Variants in LARGE1 observed in about 807,000 individuals in gnomAD.
LARGE1 encodes the protein LARGE xylosyl- and glucuronyltransferase 1.
Under a neutral mutation model 87.6 loss-of-function variants are expected in LARGE1, and 43 were observed. That is an observed-to-expected ratio of 0.49 (90% CI 0.38 to 0.63). The LOEUF is 0.63. Among genes scored for constraint, LARGE1 ranks in the 30% least tolerant of loss-of-function variants. The pLI is 0.00. For synonymous variants in LARGE1, 434 were observed against 394.6 expected, an observed-to-expected ratio of 1.10 and a Z score of -1.18; for missense variants, 802 against 1,000.2, an observed-to-expected ratio of 0.80 and a Z score of 2.67.
At chr22:33,238,644 C>G (rs972447758) in intron 11 of LARGE1, among the ~76,000 whole-genome samples, 1 of 152,108 alleles carries the variant, frequency 6.6e-6, no homozygotes, top group Non-Finnish European at 1.5e-5. Context: ...AAATATTTTA[C>G]AGTGCCATAA....
intron 6 of LARGE1, among the ~76,000 whole-genome samples, chr22:33,557,986 C>T (rs988600447): frequency 2.6e-5 from 4 of 152,206 alleles, no homozygotes; most frequent in African/African-American, 7.2e-5. Context: ...TGAATTCCAG[C>T]GCCTTCTGTA....
rs116682359 is a variant in LARGE1 at position 33,475,248 on chromosome 22, C to T, written c.788-42983G>A. On this transcript the variant is annotated intron_variant, in intron 6 of 14. Coordinates refer to ENST00000397394, the MANE Select transcript of LARGE1 (RefSeq NM_133642.5). ...ATCTCTTCCTATTTGCATCACTTTACCAGTCAAAGGCAAGTTGCATATCTC... is the reference window on the plus strand; with the variant it reads ...ATCTCTTCCTATTTGCATCACTTTATCAGTCAAAGGCAAGTTGCATATCTC... 2.6e-3 allele frequency among the ~76,000 whole-genome samples: 402 copies of T among 152,048 alleles called. 3 individuals are homozygous for T. The highest frequency in any genetic ancestry group is 9.1e-3 in the African/African-American group (378 of 41,466).
At chr22:33,653,159 A>T (rs953653465) in intron 2 of LARGE1, among the ~76,000 whole-genome samples, 5 of 152,140 alleles carry the variant, frequency 3.3e-5, no homozygotes, top group Admixed American at 3.3e-4. Context: ...CTTCCTCGGG[A>T]GTTACACCTT....
intron 4 of LARGE1, among the ~76,000 whole-genome samples, chr22:33,606,130 G>A (rs1602678558): frequency 6.6e-6 from 1 of 152,188 alleles, no homozygotes; most frequent in African/African-American, 2.4e-5. Context: ...TTTGGACAGG[G>A]CACGGCGGCT....
chr22:33,719,167 G>T (rs1400068017), intron 2 of LARGE1, among the ~76,000 whole-genome samples: 1 of 152,132 alleles, frequency 6.6e-6, no homozygotes, highest in East Asian at 1.9e-4. Context: ...ACAGTGTAAG[G>T]ATATAAAACA....
intron 2 of LARGE1, among the ~76,000 whole-genome samples, chr22:33,749,773 T>C (rs1390375788): frequency 6.6e-6 from 1 of 152,224 alleles, no homozygotes; most frequent in Non-Finnish European, 1.5e-5. Flanking sequence ...ATGTCTTCTC[T>C]GTTGTCCAAG....
chr22:33,080,751 G>A, the LARGE1 span, among the ~76,000 whole-genome samples: 2 of 152,158 alleles, frequency 1.3e-5, no homozygotes, highest in African/African-American at 2.4e-5. Context: ...TGGTAAAGCT[G>A]GGATTTGAAT....
intron 1 of LARGE1, among the ~76,000 whole-genome samples, chr22:33,779,117 TTTC>T (rs1203156612): frequency 1.3e-5 from 2 of 152,222 alleles, no homozygotes; most frequent in Admixed American, 1.3e-4. Context: ...ATGAATGCCT[TTTC>T]TTAAGTTTAC....
intron 7 of LARGE1, among the ~76,000 whole-genome samples, chr22:33,407,858 TA>T (rs2066157250): frequency 1.3e-5 from 2 of 152,146 alleles, no homozygotes; most frequent in Admixed American, 1.3e-4. Flanking sequence ...GCTGTCAATC[TA>T]AATAATAAGC....
intron 2 of LARGE1, among the ~76,000 whole-genome samples, chr22:33,697,187 G>GC (rs2082276765): frequency 6.6e-6 from 1 of 152,188 alleles, no homozygotes; most frequent in African/African-American, 2.4e-5. Context: ...TCTTTTTGAG[G>GC]CAGCTGTCGT....
the LARGE1 span, among the ~76,000 whole-genome samples, chr22:33,146,707 A>T: frequency 1.3e-3 from 197 of 152,202 alleles, no homozygotes; most frequent in African/African-American, 4.6e-3. Context: ...ACTACTTAGG[A>T]CTAGACTTTG....
intron 9 of LARGE1, among the ~76,000 whole-genome samples, chr22:33,362,689 T>C (rs1318509575): frequency 6.7e-6 from 1 of 150,154 alleles, no homozygotes; most frequent in Non-Finnish European, 1.5e-5. Context: ...TAATTAAATA[T>C]TATTTGAGTT....
chr22:33,332,578 G>A (rs1937869124), intron 10 of LARGE1, among the ~76,000 whole-genome samples: 1 of 152,108 alleles, frequency 6.6e-6, no homozygotes, highest in African/African-American at 2.4e-5. Flanking sequence ...TTCCTGACTT[G>A]GTTTCTTTCA....
intron 1 of LARGE1, among the ~76,000 whole-genome samples, chr22:33,827,875 G>A (rs1370784634): frequency 6.6e-6 from 1 of 152,212 alleles, no homozygotes; most frequent in Non-Finnish European, 1.5e-5. Flanking sequence ...GATCGAGGGT[G>A]GGATTGGATA....
At chr22:33,262,029 C>A (rs1489945691) in intron 11 of LARGE1, among the ~76,000 whole-genome samples, 1 of 152,168 alleles carries the variant, frequency 6.6e-6, no homozygotes, top group Non-Finnish European at 1.5e-5. Flanking sequence ...GCAAACGATG[C>A]CATGTATTGA....
chr22:33,676,371 GCAAAAAAAAAAAA>G, intron 2 of LARGE1, among the ~76,000 whole-genome samples: 1 of 17,532 alleles, frequency 5.7e-5, no homozygotes, highest in Non-Finnish European at 1.4e-4. Flanking sequence ...AGATTCAATG[GCAAAAAAAAAAAA>G]AAAAAAAAAA....
At chr22:33,467,439 T>C (rs1214176262) in intron 6 of LARGE1, among the ~76,000 whole-genome samples, 1 of 152,226 alleles carries the variant, frequency 6.6e-6, no homozygotes, top group African/African-American at 2.4e-5. Flanking sequence ...AGAGGCAGAA[T>C]CCAGAGAGAA....
chr22:33,741,283 G>A (rs1480704481), intron 2 of LARGE1, among the ~76,000 whole-genome samples: 1 of 152,124 alleles, frequency 6.6e-6, no homozygotes, highest in East Asian at 1.9e-4. Context: ...GCTCCCTTGG[G>A]TAGGTTAAAA....
Position 33,384,182 on chromosome 22 carries a change from G to A in LARGE1, c.1005+10C>T, listed in dbSNP as rs1328847218. The stretch of plus-strand genomic sequence containing the variant: ...CAGGAATAGCTGCACCTTCGAACCT[G>A]GCCACTCACCTGGTCAGCTAAGGAT... On this transcript the variant is annotated intron_variant, in intron 8 of 14. Coordinates refer to ENST00000397394, the MANE Select transcript of LARGE1 (RefSeq NM_133642.5). The A allele has an allele frequency of 6.3e-7, 1 of 1,596,642 alleles. No homozygotes were observed. Among genetic ancestry groups the A allele is most frequent in the Non-Finnish European group, 8.6e-7 (1 of 1,164,142 alleles).
Sources: gnomAD v4.1 joint callset for allele counts (sites outside exome capture counted in the v4.1 genomes callset) on GRCh38, gnomAD v4.1.1 for gene constraint, MANE v1.5 for transcripts, NCBI Gene and HGNC (gene_info 2026-07-23, HGNC 2026-07-21) for gene names.